The following DCC variants were observed in gnomAD, a reference collection of about 807,000 sequenced individuals.
DCC encodes netrin receptor DCC.
A neutral mutation model predicts 172.5 loss-of-function variants in DCC; 58 were observed. That is an observed-to-expected ratio of 0.34 (90% CI 0.27 to 0.42). DCC has a LOEUF of 0.42. DCC is among the 10% of genes least tolerant of loss of function. The probability of loss-of-function intolerance (pLI) is 1.00; values close to 1 mark genes in which losing one functional copy is unlikely to be tolerated. For missense variants in DCC, 1,740 were observed against 1,791.0 expected, an observed-to-expected ratio of 0.97 and a Z score of 0.51; for synonymous variants, 709 against 644.5, an observed-to-expected ratio of 1.10 and a Z score of -1.52.
chr18:52,865,468 T>C (rs559299882), intron 2 of DCC, among the ~76,000 whole-genome samples: 1 of 152,282 alleles, frequency 6.6e-6, no homozygotes, highest in Non-Finnish European at 1.5e-5. Context: ...AGTGTAAAAG[T>C]GTTCCTACTT....
chr18:52,670,677 T>C (rs559977829), intron 1 of DCC, among the ~76,000 whole-genome samples: 4 of 152,148 alleles, frequency 2.6e-5, no homozygotes, highest in African/African-American at 9.6e-5. Context: ...CCATCTCTAC[T>C]AAAAATATAA....
intron 1 of DCC, among the ~76,000 whole-genome samples, chr18:52,511,463 T>A (rs2031437013): frequency 1.3e-5 from 2 of 152,122 alleles, no homozygotes; most frequent in Admixed American, 1.3e-4. Context: ...ACCAAAAGTG[T>A]GCAGCAATGG....
At chr18:53,033,685 C>T (rs185281067) in intron 5 of DCC, among the ~76,000 whole-genome samples, 2 of 152,242 alleles carry the variant, frequency 1.3e-5, no homozygotes, top group African/African-American at 4.8e-5. Flanking sequence ...TTCTCAACCA[C>T]ATACAAATAT....
At chr18:52,848,885 C>T (rs903246514) in intron 2 of DCC, among the ~76,000 whole-genome samples, 3 of 152,204 alleles carry the variant, frequency 2.0e-5, no homozygotes, top group African/African-American at 4.8e-5. Flanking sequence ...TCAGCACATT[C>T]AGCAACTTCT....
At chr18:53,445,977 A>G (rs1912572435) in intron 22 of DCC, among the ~76,000 whole-genome samples, 1 of 151,340 alleles carries the variant, frequency 6.6e-6, no homozygotes, top group African/African-American at 2.4e-5. Flanking sequence ...GATATAATAC[A>G]TTGGGTGGAC....
chr18:52,674,658 ATT>A (rs1265216666), intron 1 of DCC, among the ~76,000 whole-genome samples: 6 of 152,240 alleles, frequency 3.9e-5, no homozygotes, highest in Non-Finnish European at 8.8e-5. Flanking sequence ...CAATCTATAC[ATT>A]GGCACAGCGA....
At chr18:52,794,177 CTT>C (rs2037827992) in intron 2 of DCC, among the ~76,000 whole-genome samples, 1 of 151,778 alleles carries the variant, frequency 6.6e-6, no homozygotes, top group Admixed American at 6.6e-5. Flanking sequence ...TTATATTTCT[CTT>C]GAGAACGTCG....
chr18:53,150,124 G>A (rs2043976232), intron 7 of DCC, among the ~76,000 whole-genome samples: 1 of 152,186 alleles, frequency 6.6e-6, no homozygotes, highest in South Asian at 2.1e-4. Context: ...AGCAGGCTGT[G>A]ATATATTTCC....
intron 13 of DCC, among the ~76,000 whole-genome samples, chr18:53,317,292 G>T (rs915352355): frequency 2.6e-5 from 4 of 152,154 alleles, no homozygotes; most frequent in African/African-American, 9.7e-5. Context: ...TTATTGATTT[G>T]CATATGTTGT....
chr18:52,559,858 C>G (rs1223581228), intron 1 of DCC, among the ~76,000 whole-genome samples: 1 of 152,138 alleles, frequency 6.6e-6, no homozygotes, highest in Non-Finnish European at 1.5e-5. Flanking sequence ...ATTTATGAAG[C>G]TAATCAGGCA....
At chr18:52,782,646 C>T (rs1568100011) in intron 2 of DCC, among the ~76,000 whole-genome samples, 1 of 152,080 alleles carries the variant, frequency 6.6e-6, no homozygotes, top group Non-Finnish European at 1.5e-5. Context: ...ATCTTTCTTC[C>T]TCCATGTGTA....
chr18:53,399,586 A>C (rs1366461493), intron 18 of DCC, among the ~76,000 whole-genome samples: 1 of 152,122 alleles, frequency 6.6e-6, no homozygotes. Flanking sequence ...AAGAAATGGA[A>C]GTATAGGAAA....
intron 7 of DCC, among the ~76,000 whole-genome samples, chr18:53,071,816 G>A (rs1247852529): frequency 1.3e-5 from 2 of 152,048 alleles, no homozygotes; most frequent in Non-Finnish European, 2.9e-5. Context: ...GAATAGTCTA[G>A]CAAAAAATGG....
chr18:52,847,775 G>C lies in DCC; in HGVS notation c.413-58269G>C, dbSNP rs117440669. On this transcript the variant is annotated intron_variant, in intron 2 of 28. Transcript: ENST00000442544. Reference sequence around the variant, plus strand: ...AACTACAAAACAGTTCCTTCCACTGGCTAGTGTGAAGCAATCTGAAAGAGA... The same window carrying C: ...AACTACAAAACAGTTCCTTCCACTGCCTAGTGTGAAGCAATCTGAAAGAGA... Among the ~76,000 whole-genome samples the C allele has an allele frequency of 5.9e-3, 902 of 152,286 alleles. 4 individuals carry two copies. The highest frequency in any genetic ancestry group is 0.011 in the Non-Finnish European group (719 of 68,014).
intron 1 of DCC, among the ~76,000 whole-genome samples, chr18:52,640,936 G>A (rs2034878229): frequency 6.6e-6 from 1 of 152,046 alleles, no homozygotes; most frequent in African/African-American, 2.4e-5. Context: ...GAACAAAACT[G>A]GAGACATCAC....
chr18:53,261,743 C>T lies in DCC; in HGVS notation c.1912-43835C>T, dbSNP rs534457990. ...CTTGATCTCCTGACCTTGTGATCCA[C>T]CTGCCTTGGCCTCCCAAAGTGCTGG... On this transcript the variant is annotated intron_variant, in intron 12 of 28. Coordinates refer to ENST00000442544, the MANE Select transcript of DCC (RefSeq NM_005215.4). Among the ~76,000 whole-genome samples, 14 of 152,270 alleles carry T rather than the reference C, an allele frequency of 9.2e-5. No individual in the cohort carries two copies. The South Asian group carries it at 2.7e-3, about 29-fold the overall frequency.
intron 20 of DCC, among the ~76,000 whole-genome samples, chr18:53,414,412 C>T (rs915820977): frequency 2.0e-5 from 3 of 152,096 alleles, no homozygotes; most frequent in African/African-American, 7.2e-5. Flanking sequence ...TGGGGCAAGT[C>T]TGTGGCTTTG....
At chr18:52,800,631 A>G (rs2037967666) in intron 2 of DCC, among the ~76,000 whole-genome samples, 1 of 151,782 alleles carries the variant, frequency 6.6e-6, no homozygotes, top group Non-Finnish European at 1.5e-5. Flanking sequence ...TTTCAACACC[A>G]AACAGATGTT....
chr18:52,481,970 G>T (rs202125898), intron 1 of DCC, among the ~76,000 whole-genome samples: 1 of 151,802 alleles, frequency 6.6e-6, no homozygotes, highest in East Asian at 1.9e-4. Context: ...GGATCCATTT[G>T]ATATTTCCTA....
Sources: gnomAD v4.1 joint callset for allele counts (sites outside exome capture counted in the v4.1 genomes callset) on GRCh38, gnomAD v4.1.1 for gene constraint, MANE v1.5 for transcripts, NCBI Gene and HGNC (gene_info 2026-07-23, HGNC 2026-07-21) for gene names.